Variants in SERINC2 observed in about 807,000 individuals in gnomAD.
The protein encoded by SERINC2 is tumor differentially expressed protein 2.
SERINC2 carries 56 observed loss-of-function variants against 54.2 expected under a neutral mutation model. The ratio of observed to expected loss-of-function variants is 1.03; its 90% confidence interval spans 0.83 to 1.29. The LOEUF (loss-of-function observed/expected upper bound fraction) is 1.29, where lower values mean the gene tolerates loss of function less well. Among genes scored for constraint, SERINC2 ranks in the 50% most tolerant of loss-of-function variants. The pLI is 0.00. For synonymous variants in SERINC2, 272 were observed against 253.1 expected, an observed-to-expected ratio of 1.07 and a Z score of -0.71; for missense variants, 614 against 607.4, an observed-to-expected ratio of 1.01 and a Z score of -0.12.
Position 31,434,257 on chromosome 1 carries a change from T to C in SERINC2, c.*58T>C. 2 of 1,557,972 alleles carry C rather than the reference T, an allele frequency of 1.3e-6. No homozygotes were observed. The highest frequency in any genetic ancestry group is 1.7e-6 in the Non-Finnish European group (2 of 1,149,528). On this transcript the variant is annotated 3_prime_UTR_variant, in exon 10 of 10. Transcript: ENST00000373709. ...TGCCACCTGGTGCCTCTCGGCTCAG[T>C]GACAGCCAACCTGCCCCCTCCCCAC... is the stretch of plus-strand genomic sequence containing the variant.
Position 31,432,164 on chromosome 1 carries a change from A to ATAGGGTGGATAGGATGGT in SERINC2, c.1014-790_1014-789insATGGTTAGGGTGGATAGG, listed in dbSNP as rs1641303963. 9.7e-5 allele frequency among the ~76,000 whole-genome samples: 8 copies of ATAGGGTGGATAGGATGGT among 82,438 alleles called. 1 individual carries two copies. Among genetic ancestry groups the ATAGGGTGGATAGGATGGT allele is most frequent in the African/African-American group, 5.4e-4 (8 of 14,766 alleles). The allele number at this position is 82,438 out of a possible 152,430, so 54.1% of individuals were successfully genotyped here. ...AGGGTGGACAGGGTGGACAGGGTGGATAGGGTGGATAGGGTGGATAGGGTG... is the reference window on the plus strand; with the variant it reads ...AGGGTGGACAGGGTGGACAGGGTGGATAGGGTGGATAGGATGGTTAGGGTGGATAGGGTGGATAGGGTG... On this transcript the variant is annotated intron_variant, in intron 8 of 9. Transcript: ENST00000373709.
Position 31,423,870 on chromosome 1 carries a change from G to C in SERINC2, c.201+16G>C, listed in dbSNP as rs781985422. 1.2e-6 allele frequency: 2 copies of C among 1,610,264 alleles called. No individual in the cohort carries two copies. Among genetic ancestry groups the C allele is most frequent in the South Asian group, 1.1e-5 (1 of 91,010 alleles). ...GCTCTACAAGGTGAGTGCCCCAGGG[G>C]AGGCAGGGCGGCCTCCAGCGAGGGG... On this transcript the variant is annotated intron_variant, in intron 2 of 9. Coordinates refer to ENST00000373709, the MANE Select transcript of SERINC2 (RefSeq NM_178865.5).
chr1:31,423,939 C>T, intron 2 of SERINC2, 85 bp downstream of exon 2: 2 of 1,331,356 alleles, frequency 1.5e-6, no homozygotes, highest in Non-Finnish European at 1.0e-6. Flanking sequence ...GGGGTCACAG[C>T]TTATCCAGAA....
intron 8 of SERINC2, among the ~76,000 whole-genome samples, chr1:31,432,129 T>TAGGGTGGATAGGGTGGAG (rs1641294125): frequency 1.0e-4 from 1 of 9,884 alleles, no homozygotes; most frequent in East Asian, 2.5e-3. Flanking sequence ...TTAGGGTGGA[T>TAGGGTGGATAGGGTGGAG]AGGGTGGACA....
intron 1 of SERINC2, chr1:31,414,859 C>G (rs1640746889): frequency 1.3e-6 from 1 of 789,874 alleles, no homozygotes; most frequent in Non-Finnish European, 1.5e-6. Flanking sequence ...CTTGGTCACC[C>G]CATCTGGCAG....
chr1:31,426,532 C>T (rs1230520213), intron 5 of SERINC2, 122 bp from the exon 6 acceptor site: 1 of 739,936 alleles, frequency 1.4e-6, no homozygotes, highest in Non-Finnish European at 2.2e-6. Flanking sequence ...CGTCATTCTT[C>T]AAGTGGGGAA....
intron 2 of SERINC2, among the ~76,000 whole-genome samples, chr1:31,424,467 G>A (rs1216316633): frequency 3.9e-5 from 6 of 152,328 alleles, no homozygotes; most frequent in South Asian, 4.1e-4. Flanking sequence ...TAACTGGGGA[G>A]CTCCCTCCCA....
rs190939999 is a variant in SERINC2, at chr1:31,433,407, G to A, written c.1232+222G>A. Among the ~76,000 whole-genome samples, 522 of 152,242 alleles carry A rather than the reference G, an allele frequency of 3.4e-3. 3 individuals are homozygous for A. The highest frequency in any genetic ancestry group is 0.012 in the African/African-American group (488 of 41,520). On this transcript the variant is annotated intron_variant, in intron 9 of 9. Transcript: ENST00000373709. ...CGCACCTTCACTAGGAGACTGAACC[G>A]GGGAAGGCACAGCAGCTGGGGCTGG...
Position 31,434,331 on chromosome 1 carries a change from G to A in SERINC2, c.*132G>A. On this transcript the variant is annotated 3_prime_UTR_variant, in exon 10 of 10. Coordinates refer to ENST00000373709, the MANE Select transcript of SERINC2 (RefSeq NM_178865.5). ...CACCCCTGCCCCAGCTCCAGGACCT[G>A]CCCCTGAGCCGGGCCTTCTAGTCGT... 1 of 936,890 alleles carries A rather than the reference G, an allele frequency of 1.1e-6. No homozygotes were observed. The highest frequency in any genetic ancestry group is 1.6e-5 in the South Asian group (1 of 63,546). The allele number at this position is 936,890 out of a possible 1,614,324, so 58.0% of individuals were successfully genotyped here. A position where few individuals can be genotyped will look rare whatever the true frequency, so the allele number is the denominator to read the frequency against.
chr1:31,426,839 C>A lies in SERINC2; in HGVS notation c.780+16C>A. ...CAAGGTCCAGGTGAGCCTGCCTGAC[C>A]CCCCCTGGCCTGAAGCCCGGCCCCT... is the stretch of plus-strand genomic sequence containing the variant. On this transcript the variant is annotated intron_variant, in intron 6 of 9. Coordinates refer to ENST00000373709, the MANE Select transcript of SERINC2 (RefSeq NM_178865.5). The A allele has an allele frequency of 6.2e-7, 1 of 1,608,218 alleles. No individual in the cohort carries two copies. Among genetic ancestry groups the A allele is most frequent in the South Asian group, 1.1e-5 (1 of 90,856 alleles).
chr1:31,432,111 T>TAGGGTGGAC (rs1641288575), intron 8 of SERINC2, among the ~76,000 whole-genome samples: 1 of 10,616 alleles, frequency 9.4e-5, no homozygotes, highest in Non-Finnish European at 2.1e-4. Context: ...ACAGGGTGGA[T>TAGGGTGGAC]AGGGTGGTTA....
At chr1:31,424,933 C>A in intron 3 of SERINC2, 60 bp downstream of exon 3, 1 of 1,433,338 alleles carries the variant, frequency 7.0e-7, no homozygotes, top group Non-Finnish European at 9.5e-7. Context: ...GCCCGCTCCT[C>A]TGCCTGTCCA....
intron 8 of SERINC2, among the ~76,000 whole-genome samples, chr1:31,432,406 C>T (rs1412043143): frequency 1.3e-5 from 2 of 152,064 alleles, no homozygotes; most frequent in Non-Finnish European, 2.9e-5. Flanking sequence ...AAAAGCATGA[C>T]ATACAATCAT....
rs1640709221 is a variant in SERINC2 at position 31,413,906 on chromosome 1, CCTCAGTCT to C, written c.39+606_39+613del. The C allele has an allele frequency of 1.6e-5, 24 of 1,469,356 alleles. No homozygotes were observed. In the South Asian group the frequency reaches 1.9e-4, roughly 12 times the overall value. The allele number at this position is 1,469,356 out of a possible 1,614,324, so 91.0% of individuals were successfully genotyped here. On this transcript the variant is annotated intron_variant, in intron 1 of 9. Coordinates refer to ENST00000373709, the MANE Select transcript of SERINC2 (RefSeq NM_178865.5). This position sits in a 1 kb window ranked among gnomAD's most constrained non-coding sequence, Gnocchi z 5.0. Reference sequence around the variant, plus strand: ...CCGTCTGCCCGTCCGCCCGTCCGTCCCTCAGTCTCTCTGCGGTCCCTTTACCGTCCTCA... The same window carrying C: ...CCGTCTGCCCGTCCGCCCGTCCGTCCCTCTGCGGTCCCTTTACCGTCCTCA...
Position 31,423,762 on chromosome 1 carries a change from G to A in SERINC2, c.109G>A (p.Val37Met), listed in dbSNP as rs1553133049. The change falls in exon 2 of 10, where the codon GTG (valine) becomes ATG (methionine). Residue 37 changes from valine (V) to methionine (M), a missense_variant. Transcript: ENST00000373709. ...SCCPASRNST[V>M]SRLIFTFFLF... ...CTGCCCCGCCAGCCGCAACTCCACC[G>A]TGAGCCGCCTCATCTTCACGTTCTT... The A allele has an allele frequency of 3.1e-6, 5 of 1,613,710 alleles. No homozygotes were observed. The highest frequency in any genetic ancestry group is 1.1e-5 in the South Asian group (1 of 91,084).
intron 8 of SERINC2, among the ~76,000 whole-genome samples, chr1:31,429,968 C>T (rs1006063365): frequency 6.6e-6 from 1 of 151,870 alleles, no homozygotes; most frequent in Admixed American, 6.6e-5. Context: ...CACACTCTCC[C>T]CCGAGAGAAG....
chr1:31,423,683 C>T lies in SERINC2; in HGVS notation c.40-10C>T, dbSNP rs377357536. 1.7e-5 allele frequency: 28 copies of T among 1,604,678 alleles called. No individual in the cohort carries two copies. Among genetic ancestry groups the T allele is most frequent in the Non-Finnish European group, 2.0e-5 (24 of 1,179,490 alleles). ...AGGGGAGAGGGAAGAGTGACAGTGC[C>T]CTCCCGCAGGCGTCCTGCCTCTGCG... is the stretch of plus-strand genomic sequence containing the variant. On this transcript the variant is annotated splice_polypyrimidine_tract_variant and intron_variant, in intron 1 of 9. Transcript: ENST00000373709.
intron 8 of SERINC2, among the ~76,000 whole-genome samples, chr1:31,431,781 G>A (rs1553134510): frequency 2.2e-5 from 3 of 136,898 alleles, no homozygotes; most frequent in African/African-American, 8.5e-5. Flanking sequence ...GGGTGAATAG[G>A]GTGGATAGGG....
intron 1 of SERINC2, among the ~76,000 whole-genome samples, chr1:31,415,538 C>G (rs565197513): frequency 4.1e-4 from 62 of 152,358 alleles, no homozygotes; most frequent in African/African-American, 1.3e-3. Context: ...CAGTAGTGAG[C>G]AGTATGTGTA....
Sources: gnomAD v4.1 joint callset for allele counts (sites outside exome capture counted in the v4.1 genomes callset) on GRCh38, gnomAD v4.1.1 for gene constraint, Gnocchi (gnomAD v3.1) non-coding constraint, MANE v1.5 for transcripts, NCBI Gene and HGNC (gene_info 2026-07-23, HGNC 2026-07-21) for gene names.